Variants in CEP70 observed in about 807,000 individuals in gnomAD.
The protein encoded by CEP70 is centrosomal protein 70.
In CEP70, 70 loss-of-function variants were observed where a neutral mutation model predicts 90.9. That is an observed-to-expected ratio of 0.77 (90% confidence interval 0.64 to 0.94). The LOEUF (loss-of-function observed/expected upper bound fraction) is 0.94. CEP70 is among the 40% of genes least tolerant of loss of function. CEP70 has a pLI of 0.00. For missense variants in CEP70, 648 were observed against 669.0 expected, an observed-to-expected ratio of 0.97 and a Z score of 0.35; for synonymous variants, 220 against 228.3, an observed-to-expected ratio of 0.96 and a Z score of 0.33.
chr3:138,533,941 C>T (rs933241268), intron 7 of CEP70, among the ~76,000 whole-genome samples: 6 of 152,036 alleles, frequency 3.9e-5, no homozygotes, highest in South Asian at 2.1e-4. Context: ...CCTGCCACCA[C>T]GCCCAGCTAA....
chr3:138,544,537 A>ATGTATG lies in CEP70; in HGVS notation c.466-7191_466-7190insCATACA, dbSNP rs1553853632. ...TATGTATGTATGTATGTATGTATGT[A>ATGTATG]TGTGTGTGTGTGTGTATATATATAC... On this transcript the variant is annotated intron_variant, in intron 6 of 17. Coordinates refer to ENST00000264982, the MANE Select transcript of CEP70 (RefSeq NM_024491.4). Among the ~76,000 whole-genome samples the ATGTATG allele has an allele frequency of 2.3e-3, 350 of 149,268 alleles. 1 individual carries two copies. The highest frequency in any genetic ancestry group is 0.02 in the Middle Eastern group (6 of 294).
intron 6 of CEP70, among the ~76,000 whole-genome samples, chr3:138,560,042 T>C (rs1208942662): frequency 6.6e-6 from 1 of 152,140 alleles, no homozygotes; most frequent in Non-Finnish European, 1.5e-5. Flanking sequence ...GACAGTTTCT[T>C]AAAAACTTAA....
chr3:138,583,255 G>A (rs761640051), intron 2 of CEP70, among the ~76,000 whole-genome samples: 21 of 152,272 alleles, frequency 1.4e-4, no homozygotes, highest in Non-Finnish European at 2.8e-4. Context: ...AATTCAGCAA[G>A]AGTATGTAAC....
chr3:138,532,450 A>G, intron 8 of CEP70, 64 bp downstream of exon 8: 3 of 1,365,324 alleles, frequency 2.2e-6, no homozygotes, highest in Non-Finnish European at 2.9e-6. Flanking sequence ...CAAAAGCTAC[A>G]GAAACTTCTG....
chr3:138,535,944 CT>C (rs1364356194), intron 7 of CEP70, among the ~76,000 whole-genome samples: 3 of 151,944 alleles, frequency 2.0e-5, no homozygotes, highest in African/African-American at 7.3e-5. Context: ...TTTGTCGTTA[CT>C]TTTCCTTCAA....
intron 6 of CEP70, among the ~76,000 whole-genome samples, chr3:138,558,472 G>A (rs892089504): frequency 2.0e-5 from 3 of 152,108 alleles, no homozygotes; most frequent in African/African-American, 7.2e-5. Context: ...AGCTAAGAAG[G>A]TGACCAAAGA....
chr3:138,593,541 G>GA (rs1219302649), intron 1 of CEP70, among the ~76,000 whole-genome samples: 1 of 152,120 alleles, frequency 6.6e-6, no homozygotes. Context: ...ATCATTGATT[G>GA]AAAAACAAAG....
intron 2 of CEP70, among the ~76,000 whole-genome samples, chr3:138,589,491 G>GAA (rs765699825): frequency 6.9e-5 from 8 of 116,558 alleles, no homozygotes; most frequent in Non-Finnish European, 1.1e-4. Context: ...TGTCTCTCAA[G>GAA]AAAAAAAAAA....
chr3:138,536,209 C>A (rs1283940225), intron 7 of CEP70, among the ~76,000 whole-genome samples: 2 of 151,790 alleles, frequency 1.3e-5, no homozygotes, highest in Non-Finnish European at 2.9e-5. Flanking sequence ...ATATAATATC[C>A]ATACTACTTA....
intron 6 of CEP70, among the ~76,000 whole-genome samples, chr3:138,565,349 T>G (rs2108089623): frequency 6.6e-6 from 1 of 152,250 alleles, no homozygotes; most frequent in African/African-American, 2.4e-5. Context: ...AAAACTAGTT[T>G]AAAGTTCATA....
At chr3:138,523,847 C>T (rs904362760) in intron 11 of CEP70, among the ~76,000 whole-genome samples, 1 of 152,084 alleles carries the variant, frequency 6.6e-6, no homozygotes, top group Non-Finnish European at 1.5e-5. Flanking sequence ...CTACCACTGA[C>T]TTTCTTCACA....
chr3:138,578,035 G>A (rs149712231), intron 2 of CEP70, among the ~76,000 whole-genome samples: 2 of 152,310 alleles, frequency 1.3e-5, no homozygotes, highest in East Asian at 1.9e-4. Context: ...GCAATAGCAG[G>A]TCTTCCCTAT....
Position 138,494,782 on chromosome 3 carries a change from G to A in CEP70, c.*233C>T, listed in dbSNP as rs915840352. On this transcript the variant is annotated 3_prime_UTR_variant, in exon 18 of 18. Transcript: ENST00000264982. The stretch of plus-strand genomic sequence containing the variant: ...CTTAAATTTTAAGCACTCAATAATT[G>A]CTTTAGAAATGAAGGGATCTAAAGT... 3.1e-6 allele frequency: 1 copy of A among 327,640 alleles called. No individual in the cohort carries two copies. Among genetic ancestry groups the A allele is most frequent in the East Asian group, 5.8e-5 (1 of 17,290 alleles). 20.3% of individuals were successfully genotyped at this position (327,640 alleles called of 1,614,324 possible). A position where few individuals can be genotyped will look rare whatever the true frequency, so the allele number is the denominator to read the frequency against.
At chr3:138,535,081 A>G (rs1451621837) in intron 7 of CEP70, among the ~76,000 whole-genome samples, 1 of 152,168 alleles carries the variant, frequency 6.6e-6, no homozygotes, top group East Asian at 1.9e-4. Flanking sequence ...TCTTCGGCCA[A>G]TTTAAGTCTC....
intron 11 of CEP70, among the ~76,000 whole-genome samples, chr3:138,511,592 T>TA (rs1347684854): frequency 2.0e-5 from 3 of 152,222 alleles, no homozygotes; most frequent in Admixed American, 2.0e-4. Flanking sequence ...CCTAAATATA[T>TA]AATTGCATGT....
At chr3:138,573,359 CAT>C (rs2108171811) in intron 2 of CEP70, among the ~76,000 whole-genome samples, 1 of 146,974 alleles carries the variant, frequency 6.8e-6, no homozygotes, top group Non-Finnish European at 1.5e-5. Flanking sequence ...AGAAACCCAA[CAT>C]ATTGCAACTG....
At chr3:138,566,126 A>G (rs1002904062) in intron 6 of CEP70, among the ~76,000 whole-genome samples, 1 of 152,230 alleles carries the variant, frequency 6.6e-6, no homozygotes, top group African/African-American at 2.4e-5. Context: ...TCACAATGAG[A>G]TACCATCTCA....
chr3:138,518,003 C>T (rs376985336), intron 11 of CEP70, among the ~76,000 whole-genome samples: 1 of 152,348 alleles, frequency 6.6e-6, no homozygotes, highest in Admixed American at 6.5e-5. Context: ...ACTTTTCAAA[C>T]ACCCTTAGCA....
intron 6 of CEP70, among the ~76,000 whole-genome samples, chr3:138,565,087 C>T (rs980051524): frequency 3.3e-5 from 5 of 152,170 alleles, no homozygotes; most frequent in African/African-American, 1.2e-4. Context: ...AGTGAACTCC[C>T]ATTCACAATT....
Sources: allele counts gnomAD v4.1 joint callset (sites outside exome capture counted in the v4.1 genomes callset), GRCh38; gene constraint gnomAD v4.1.1; transcripts MANE v1.5; gene names NCBI Gene and HGNC (gene_info 2026-07-23, HGNC 2026-07-21).